COG5: variants seen among roughly 807,000 people sequenced by gnomAD.
COG5 encodes the protein component of oligomeric golgi complex 5.
COG5 carries 86 observed loss-of-function variants against 110.4 expected under a neutral mutation model. The ratio of observed to expected loss-of-function variants is 0.78; its 90% CI spans 0.65 to 0.93. The LOEUF (loss-of-function observed/expected upper bound fraction) is 0.93. COG5 is among the 40% of genes least tolerant of loss of function. The pLI is 0.00. For synonymous variants in COG5, 360 were observed against 334.6 expected (o/e 1.08, Z -0.83); for missense variants, 1,077 against 987.0 (o/e 1.09, Z -1.22).
chr7:107,307,547 G>C (rs1807834004), intron 11 of COG5, among the ~76,000 whole-genome samples: 1 of 152,040 alleles, frequency 6.6e-6, no homozygotes, highest in African/African-American at 2.4e-5. Context: ...AGTTATTTTG[G>C]AGCCAATATC....
At chr7:107,441,820 T>G (rs957865324) in intron 6 of COG5, among the ~76,000 whole-genome samples, 7 of 152,254 alleles carry the variant, frequency 4.6e-5, no homozygotes, top group Admixed American at 4.6e-4. Flanking sequence ...GTTATTCACT[T>G]CACTAAAAGA....
At chr7:107,279,022 T>C (rs1804935456) in intron 14 of COG5, among the ~76,000 whole-genome samples, 1 of 152,080 alleles carries the variant, frequency 6.6e-6, no homozygotes, top group Admixed American at 6.6e-5. Context: ...GGGAGAAAAG[T>C]TTTGCAATCT....
At chr7:107,340,691 G>T (rs1811104255) in intron 10 of COG5, among the ~76,000 whole-genome samples, 1 of 152,144 alleles carries the variant, frequency 6.6e-6, no homozygotes, top group African/African-American at 2.4e-5. Flanking sequence ...CCATGATCGA[G>T]TTGGCTTCAT....
At chr7:107,248,784 CAAG>C (rs1450023792) in intron 16 of COG5, among the ~76,000 whole-genome samples, 1 of 152,066 alleles carries the variant, frequency 6.6e-6, no homozygotes, top group Non-Finnish European at 1.5e-5. Context: ...AAGGCATACG[CAAG>C]AAGACAGTAG....
chr7:107,417,557 GGAGA>G (rs1563022759), intron 6 of COG5, among the ~76,000 whole-genome samples: 1 of 151,896 alleles, frequency 6.6e-6, no homozygotes, highest in Non-Finnish European at 1.5e-5. Context: ...TATTTTCTTG[GGAGA>G]GAATCAAAGA....
In COG5 at chr7:107,532,513, A is replaced by G. The variant is rs551590348; in HGVS notation, c.418-5156T>C. Among the ~76,000 whole-genome samples the G allele has an allele frequency of 2.0e-5, 3 of 152,320 alleles. No individual in the cohort carries two copies. The East Asian group carries it at 5.8e-4, about 29-fold the overall frequency. On this transcript the variant is annotated intron_variant, in intron 5 of 21. Transcript: ENST00000297135. Reference sequence around the variant, plus strand: ...ACATAAAACATTCTCAGATTAACATACATATACATATGCACAAATATATAT... The same window carrying G: ...ACATAAAACATTCTCAGATTAACATGCATATACATATGCACAAATATATAT...
chr7:107,351,179 G>T (rs1812101668), intron 10 of COG5, among the ~76,000 whole-genome samples: 1 of 152,066 alleles, frequency 6.6e-6, no homozygotes, highest in South Asian at 2.1e-4. Context: ...TCTGATCTTT[G>T]ACAAACCTGA....
intron 11 of COG5, among the ~76,000 whole-genome samples, chr7:107,320,676 T>C (rs1267827819): frequency 6.6e-6 from 1 of 152,208 alleles, no homozygotes; most frequent in Non-Finnish European, 1.5e-5. Context: ...CATTGTCTAG[T>C]ATCTTAAAGG....
intron 11 of COG5, among the ~76,000 whole-genome samples, chr7:107,314,859 T>G (rs965982181): frequency 6.6e-6 from 1 of 152,232 alleles, no homozygotes; most frequent in Non-Finnish European, 1.5e-5. Flanking sequence ...ACTTACTTGA[T>G]AGCTAGATTT....
chr7:107,305,426 T>C (rs561455321), intron 11 of COG5, among the ~76,000 whole-genome samples: 6 of 152,328 alleles, frequency 3.9e-5, no homozygotes, highest in East Asian at 1.9e-4. Flanking sequence ...CAGTAATCTA[T>C]TGCCTTTAGG....
chr7:107,208,279 T>C (rs932355909), intron 21 of COG5: 1 of 985,300 alleles, frequency 1.0e-6, no homozygotes, highest in Admixed American at 6.1e-5. Flanking sequence ...TGACAGTATT[T>C]CTGAGCATGA....
At chr7:107,253,908 C>T (rs1361733515) in intron 16 of COG5, among the ~76,000 whole-genome samples, 6 of 152,036 alleles carry the variant, frequency 3.9e-5, no homozygotes, top group Non-Finnish European at 7.4e-5. Flanking sequence ...ATTGGAGAGG[C>T]CTATATAAAA....
intron 6 of COG5, among the ~76,000 whole-genome samples, chr7:107,413,334 C>T (rs1041581372): frequency 6.6e-6 from 1 of 151,950 alleles, no homozygotes; most frequent in Non-Finnish European, 1.5e-5. Flanking sequence ...TATTATATAA[C>T]CACCACCAGC....
At chr7:107,329,280 T>C (rs2129029898) in intron 10 of COG5, among the ~76,000 whole-genome samples, 1 of 152,166 alleles carries the variant, frequency 6.6e-6, no homozygotes, top group East Asian at 1.9e-4. Flanking sequence ...CACATAGCTG[T>C]TGGAACAAGA....
At chr7:107,375,110 G>A (rs1294217653) in intron 7 of COG5, among the ~76,000 whole-genome samples, 1 of 151,934 alleles carries the variant, frequency 6.6e-6, no homozygotes, top group Non-Finnish European at 1.5e-5. Flanking sequence ...TCACATAAAT[G>A]GAATTATACA....
At chr7:107,458,818 C>T (rs922634964) in intron 6 of COG5, among the ~76,000 whole-genome samples, 1 of 152,046 alleles carries the variant, frequency 6.6e-6, no homozygotes, top group Non-Finnish European at 1.5e-5. Flanking sequence ...AAGATCATTC[C>T]ACTGCATTCC....
chr7:107,230,488 T>C, intron 19 of COG5, 127 bp downstream of exon 19: 1 of 765,786 alleles, frequency 1.3e-6, no homozygotes, highest in East Asian at 2.5e-5. Context: ...CTAAGATGAA[T>C]CATGAAATTG....
chr7:107,203,935 T>C (rs1199273300), intron 21 of COG5, among the ~76,000 whole-genome samples: 1 of 152,204 alleles, frequency 6.6e-6, no homozygotes, highest in African/African-American at 2.4e-5. Context: ...TTTTCCCTGC[T>C]TCCCTACTGA....
chr7:107,408,667 T>C (rs1026039537), intron 7 of COG5, among the ~76,000 whole-genome samples: 4 of 152,230 alleles, frequency 2.6e-5, no homozygotes, highest in Non-Finnish European at 4.4e-5. Context: ...GGATTTCTTC[T>C]ATCAGCTCTA....
Sources: allele counts gnomAD v4.1 joint callset (sites outside exome capture counted in the v4.1 genomes callset), GRCh38; gene constraint gnomAD v4.1.1; transcripts MANE v1.5; gene names NCBI Gene and HGNC (gene_info 2026-07-23, HGNC 2026-07-21).